Variants in GPSM1 observed in about 807,000 individuals in gnomAD.
GPSM1 encodes G protein-signaling modulator 1.
GPSM1 carries 48 observed loss-of-function variants against 70.5 expected under a neutral mutation model. The ratio of observed to expected loss-of-function variants is 0.68; its 90% confidence interval spans 0.54 to 0.87. GPSM1 has a LOEUF of 0.87. Among genes scored for constraint, GPSM1 ranks in the 40% least tolerant of loss-of-function variants. The pLI, the probability that GPSM1 is intolerant of heterozygous loss-of-function variation, is 0.00. For synonymous variants in GPSM1, 416 were observed against 430.1 expected (o/e 0.97, Z 0.41); for missense variants, 981 against 972.6 (o/e 1.01, Z -0.11).
In GPSM1 at chr9:136,343,398, C is replaced by T. The variant is rs188659556; in HGVS notation, c.1207+2405C>T. ...CCGCCCCCTGCCCTTGGCCTGTCCC[C>T]GATGGCCCTGCCTGTCCCACAGGAT... is the stretch of plus-strand genomic sequence containing the variant. On this transcript the variant is annotated intron_variant, in intron 9 of 13. Coordinates refer to ENST00000440944, the MANE Select transcript of GPSM1 (RefSeq NM_001145638.3). This position sits in a 1 kb window ranked among gnomAD's most constrained non-coding sequence, Gnocchi z 6.0. 1.6e-4 allele frequency among the ~76,000 whole-genome samples: 24 copies of T among 152,332 alleles called. No homozygotes were observed. The East Asian group carries it at 1.9e-3, about 12-fold the overall frequency.
In GPSM1 at chr9:136,358,090, T is replaced by G. The variant is rs782006478; in HGVS notation, c.1898T>G (p.Phe633Cys). The change falls in exon 14 of 14, where the codon TTC becomes TGC. Residue 633 changes from phenylalanine to cysteine, a missense_variant. Transcript: ENST00000440944. ...PRGPTMPDED[F>C]FSLIQRVQAK... ...GGCCCTACCATGCCGGACGAGGACTTCTTCAGCCTCATTCAGAGGGTGCAG... is the reference window on the plus strand; with the variant it reads ...GGCCCTACCATGCCGGACGAGGACTGCTTCAGCCTCATTCAGAGGGTGCAG... The G allele has an allele frequency of 8.1e-6, 13 of 1,612,668 alleles. No individual in the cohort carries two copies. The South Asian group carries it at 1.4e-4, about 18-fold the overall frequency.
intron 9 of GPSM1, among the ~76,000 whole-genome samples, chr9:136,346,336 A>T (rs528609631): frequency 3.7e-4 from 57 of 152,162 alleles, no homozygotes; most frequent in African/African-American, 1.1e-3. Flanking sequence ...CTGGGCCCCC[A>T]AGTCCTCAGC....
chr9:136,350,911 C>T (rs1036229786), intron 11 of GPSM1, among the ~76,000 whole-genome samples: 7 of 151,944 alleles, frequency 4.6e-5, no homozygotes, highest in Admixed American at 1.3e-4. Flanking sequence ...GGTGGGGGGA[C>T]AGGTGACAGG....
At position 136,340,580 on chromosome 9, in the gene GPSM1, C is replaced by T. The variant is rs1554770023; in HGVS notation, c.1084-290C>T. Among the ~76,000 whole-genome samples, 1 of 152,096 alleles carries T rather than the reference C, an allele frequency of 6.6e-6. No homozygotes were observed. Among genetic ancestry groups the T allele is most frequent in the African/African-American group, 2.4e-5 (1 of 41,398 alleles). On this transcript the variant is annotated intron_variant, in intron 8 of 13. Coordinates refer to ENST00000440944, the MANE Select transcript of GPSM1 (RefSeq NM_001145638.3). The surrounding 1 kb of genome is among the most constrained non-coding windows in gnomAD (Gnocchi z 7.3). ...AGGTGCAGCCGGGCGGGGCCGGGCCCCTCGCGCACCGGAGGGCACAGGCCC... is the reference window on the plus strand; with the variant it reads ...AGGTGCAGCCGGGCGGGGCCGGGCCTCTCGCGCACCGGAGGGCACAGGCCC...
At position 136,355,594 on chromosome 9, in the gene GPSM1, T is replaced by C. The variant is rs78503878; in HGVS notation, c.1456-96T>C. ...GTTAGAGTCCCGATCTTGGCCAGGGTCTCAGAAGTGTGTGTGGCCTGGGCA... is the reference window on the plus strand; with the variant it reads ...GTTAGAGTCCCGATCTTGGCCAGGGCCTCAGAAGTGTGTGTGGCCTGGGCA... On this transcript the variant is annotated intron_variant, in intron 11 of 13. Transcript: ENST00000440944. 8.8e-3 allele frequency: 9,888 copies of C among 1,119,922 alleles called. 278 individuals are homozygous for C. The highest frequency in any genetic ancestry group is 0.032 in the East Asian group (1,138 of 35,704). 69.4% of individuals were successfully genotyped at this position (1,119,922 alleles called of 1,614,324 possible).
At chr9:136,338,086 G>T in intron 6 of GPSM1, 125 bp downstream of exon 6, 1 of 669,438 alleles carries the variant, frequency 1.5e-6, no homozygotes. Context: ...AAGGCAAGGT[G>T]GGGTTCTAGG....
chr9:136,343,470 C>A lies in GPSM1; in HGVS notation c.1207+2477C>A, dbSNP rs748027835. On this transcript the variant is annotated intron_variant, in intron 9 of 13. Coordinates refer to ENST00000440944, the MANE Select transcript of GPSM1 (RefSeq NM_001145638.3). This position sits in a 1 kb window ranked among gnomAD's most constrained non-coding sequence, Gnocchi z 6.0. ...CTGACCGTACTTCTCAGCCCTCCAC[C>A]GTCTGGGCCCTGCTCAGGGCGTTGT... 1.3e-5 allele frequency among the ~76,000 whole-genome samples: 2 copies of A among 152,244 alleles called. No individual in the cohort carries two copies. The highest frequency in any genetic ancestry group is 2.9e-5 in the Non-Finnish European group (2 of 68,044).
chr9:136,336,337 C>T (rs970110619), intron 3 of GPSM1, among the ~76,000 whole-genome samples: 43 of 152,286 alleles, frequency 2.8e-4, no homozygotes, highest in African/African-American at 9.4e-4. Flanking sequence ...TCAGTTCTGC[C>T]GCCCCTCTCG....
chr9:136,337,716 C>A, intron 5 of GPSM1, 130 bp from the exon 6 acceptor site: 1 of 979,384 alleles, frequency 1.0e-6, no homozygotes, highest in Non-Finnish European at 1.6e-6. Context: ...CTTGGTCCTG[C>A]AGCTGCTAGC....
intron 11 of GPSM1, chr9:136,354,956 C>G (rs1289491029): frequency 4.4e-5 from 46 of 1,035,660 alleles, no homozygotes; most frequent in Non-Finnish European, 5.1e-5. Flanking sequence ...AGGTGACGGA[C>G]AGAGGCCTGG....
In GPSM1 at chr9:136,342,353, G is replaced by A. The variant is rs113891308; in HGVS notation, c.1207+1360G>A. ...GGAGGCTGCGGCTCTGGGTCCTCCC[G>A]ACGTTTTCTTTCTTGGAGCCAAGGA... On this transcript the variant is annotated intron_variant, in intron 9 of 13. Coordinates refer to ENST00000440944, the MANE Select transcript of GPSM1 (RefSeq NM_001145638.3). This position sits in a 1 kb window ranked among gnomAD's most constrained non-coding sequence, Gnocchi z 5.5. Among the ~76,000 whole-genome samples the A allele has an allele frequency of 4.5e-4, 68 of 152,280 alleles. No homozygotes were observed. The highest frequency in any genetic ancestry group is 1.5e-3 in the African/African-American group (64 of 41,570).
rs1400789114 is a variant in GPSM1, at chr9:136,343,042, C to T, written c.1207+2049C>T. ...TGGAGGACAAAGAGCCTTGGCGCGG[C>T]TCAGTCAGCGTATTAATCTCACCGC... is the stretch of plus-strand genomic sequence containing the variant. On this transcript the variant is annotated intron_variant, in intron 9 of 13. Coordinates refer to ENST00000440944, the MANE Select transcript of GPSM1 (RefSeq NM_001145638.3). The surrounding 1 kb of genome is among the most constrained non-coding windows in gnomAD (Gnocchi z 6.0). 6.6e-6 allele frequency among the ~76,000 whole-genome samples: 1 copy of T among 152,234 alleles called. No homozygotes were observed. Among genetic ancestry groups the T allele is most frequent in the Non-Finnish European group, 1.5e-5 (1 of 67,988 alleles).
chr9:136,330,435 C>A (rs1276328631), intron 1 of GPSM1, among the ~76,000 whole-genome samples: 1 of 152,178 alleles, frequency 6.6e-6, no homozygotes, highest in Non-Finnish European at 1.5e-5. Context: ...TGGGCAGCGA[C>A]GGGCCCTAGG....
At chr9:136,328,875 C>CCGCTGATCTGAT (rs1832039808) in intron 1 of GPSM1, among the ~76,000 whole-genome samples, 1 of 152,234 alleles carries the variant, frequency 6.6e-6, no homozygotes, top group African/African-American at 2.4e-5. Context: ...AGGGTTTCCT[C>CCGCTGATCTGAT]CGCTGATCTG....
At chr9:136,336,360 C>T (rs1027432100) in intron 3 of GPSM1, among the ~76,000 whole-genome samples, 1 of 152,174 alleles carries the variant, frequency 6.6e-6, no homozygotes, top group Admixed American at 6.5e-5. Flanking sequence ...GACCTCCCCC[C>T]GAATCCCTCC....
At position 136,337,914 on chromosome 9, in the gene GPSM1, C is replaced by T. The variant is rs782293804; in HGVS notation, c.771C>T (p.Asn257=). Residue 257 remains asparagine, a synonymous_variant, in exon 6 of 14, where the codon AAC becomes AAT. Transcript: ENST00000440944. ...AERRAYSNLG[N]AHVFLGRFDV... is the part of the protein sequence containing the mutation. Reference sequence around the variant, plus strand: ...GGAGGGCCTACAGCAACCTGGGGAACGCCCACGTCTTCCTGGGGCGCTTTG... The same window carrying T: ...GGAGGGCCTACAGCAACCTGGGGAATGCCCACGTCTTCCTGGGGCGCTTTG... 61 of 1,612,590 alleles carry T rather than the reference C, an allele frequency of 3.8e-5. No homozygotes were observed. The highest frequency in any genetic ancestry group is 8.3e-5 in the Admixed American group (5 of 59,990).
chr9:136,337,390 G>C (rs1832268159), intron 4 of GPSM1, 51 bp from the exon 5 acceptor site: 1 of 1,553,878 alleles, frequency 6.4e-7, no homozygotes, highest in Non-Finnish European at 8.7e-7. Flanking sequence ...GCCTGGGGTG[G>C]GTGAGGACAT....
At chr9:136,330,203 C>T (rs1469416270) in intron 1 of GPSM1, among the ~76,000 whole-genome samples, 5 of 151,852 alleles carry the variant, frequency 3.3e-5, no homozygotes, top group Admixed American at 6.5e-5. Flanking sequence ...GAGTGCTCCC[C>T]GGGGCTGGGG....
chr9:136,333,682 G>T (rs562675837), intron 1 of GPSM1, among the ~76,000 whole-genome samples: 1 of 152,332 alleles, frequency 6.6e-6, no homozygotes, highest in South Asian at 2.1e-4. Flanking sequence ...TTGGGATGGG[G>T]CGCCATCCAC....
Sources: allele counts gnomAD v4.1 joint callset (sites outside exome capture counted in the v4.1 genomes callset), GRCh38; gene constraint gnomAD v4.1.1; non-coding constraint Gnocchi (gnomAD v3.1); transcripts MANE v1.5; gene names NCBI Gene and HGNC (gene_info 2026-07-23, HGNC 2026-07-21).